The following ADCY7 variants were observed in gnomAD, a reference collection of about 807,000 sequenced individuals.
ADCY7 encodes the protein adenylate cyclase 7.
ADCY7 carries 72 observed loss-of-function variants against 120.6 expected under a neutral mutation model. The ratio of observed to expected loss-of-function variants is 0.60; its 90% CI spans 0.49 to 0.73. ADCY7 has a LOEUF of 0.73. Among genes scored for constraint, ADCY7 ranks in the 30% least tolerant of loss-of-function variants. ADCY7 has a pLI of 0.00. For missense variants in ADCY7, 1,227 were observed against 1,486.0 expected, an observed-to-expected ratio of 0.83 and a Z score of 2.87; for synonymous variants, 661 against 628.0, an observed-to-expected ratio of 1.05 and a Z score of -0.78.
At chr16:50,306,776 A>C (rs1208209796) in intron 14 of ADCY7, among the ~76,000 whole-genome samples, 1 of 152,254 alleles carries the variant, frequency 6.6e-6, no homozygotes, top group Non-Finnish European at 1.5e-5. Flanking sequence ...GAAACAGGCG[A>C]AACTTACCAA....
chr16:50,308,813 G>A (rs755832718), intron 17 of ADCY7, 21 bp downstream of exon 17: 2 of 1,594,642 alleles, frequency 1.3e-6, no homozygotes, highest in Non-Finnish European at 1.7e-6. Flanking sequence ...TGGTGGGGAG[G>A]CAGGCCTCCG....
At chr16:50,247,390 C>T (rs1203165531) in intron 1 of ADCY7, among the ~76,000 whole-genome samples, 1 of 152,072 alleles carries the variant, frequency 6.6e-6, no homozygotes, top group African/African-American at 2.4e-5. Context: ...GAAACAGGGC[C>T]TTGCTCTGTC....
Position 50,304,357 on chromosome 16 carries a change from C to A in ADCY7, c.1369-3C>A. 6.6e-7 allele frequency: 1 copy of A among 1,509,042 alleles called. No individual in the cohort carries two copies. Among genetic ancestry groups the A allele is most frequent in the Non-Finnish European group, 8.9e-7 (1 of 1,126,396 alleles). 93.5% of individuals were successfully genotyped at this position (1,509,042 alleles called of 1,614,324 possible). A position where few individuals can be genotyped will look rare whatever the true frequency, so the allele number is the denominator to read the frequency against. ...ACAGGCCCATGTCCATGTCTGCCCG[C>A]AGAGCCAGCAGCCACCCCCGCCCAG... On this transcript the variant is annotated splice_polypyrimidine_tract_variant and splice_region_variant and intron_variant, in intron 10 of 25. Coordinates refer to ENST00000673801, the MANE Select transcript of ADCY7 (RefSeq NM_001114.5).
chr16:50,313,253 C>T (rs1019689488), intron 22 of ADCY7: 2 of 479,030 alleles, frequency 4.2e-6, no homozygotes, highest in South Asian at 2.3e-5. Flanking sequence ...CCTGTCTCTA[C>T]TGAAAATACA....
At chr16:50,245,894 C>T (rs555184224), upstream of ADCY7, among the ~76,000 whole-genome samples, 5 of 150,802 alleles carry the variant, frequency 3.3e-5, no homozygotes, top group East Asian at 7.9e-4. Context: ...CCTGCGGCGC[C>T]CCGAGCTTGC....
intron 7 of ADCY7, among the ~76,000 whole-genome samples, chr16:50,296,109 A>G (rs2035333296): frequency 6.6e-6 from 1 of 152,060 alleles, no homozygotes; most frequent in Non-Finnish European, 1.5e-5. Context: ...GTGAAGTGCA[A>G]TGGCATAATC....
chr16:50,291,992 C>G (rs1272983208), intron 4 of ADCY7, 95 bp downstream of exon 4: 1 of 1,375,224 alleles, frequency 7.3e-7, no homozygotes, highest in Non-Finnish European at 9.7e-7. Flanking sequence ...ACCCGAAGGC[C>G]CCGGAGCCGT....
At chr16:50,260,582 A>G (rs1463792754) in intron 1 of ADCY7, among the ~76,000 whole-genome samples, 1 of 152,204 alleles carries the variant, frequency 6.6e-6, no homozygotes. Flanking sequence ...TAATTTCTGT[A>G]GGTCAGGAGT....
upstream of ADCY7, among the ~76,000 whole-genome samples, chr16:50,264,932 G>A (rs1328296219): frequency 6.7e-6 from 1 of 150,372 alleles, no homozygotes; most frequent in Non-Finnish European, 1.5e-5. Context: ...TGCCTCCCAG[G>A]TTCAAGTGAT....
At chr16:50,276,561 C>T (rs1481075164) in intron 1 of ADCY7, among the ~76,000 whole-genome samples, 1 of 152,192 alleles carries the variant, frequency 6.6e-6, no homozygotes, top group Non-Finnish European at 1.5e-5. Context: ...CACAGAGAGT[C>T]TGTTGGGTCA....
At chr16:50,274,477 T>C (rs1002855911) in intron 1 of ADCY7, among the ~76,000 whole-genome samples, 1 of 152,078 alleles carries the variant, frequency 6.6e-6, no homozygotes, top group Non-Finnish European at 1.5e-5. Flanking sequence ...CTGCTTCCCC[T>C]GCAGAAGGGC....
chr16:50,266,934 G>A (rs2033252897), intron 1 of ADCY7, among the ~76,000 whole-genome samples: 1 of 152,122 alleles, frequency 6.6e-6, no homozygotes. Flanking sequence ...GTGCGGTTGT[G>A]ACCACAATGT....
chr16:50,307,041 T>C lies in ADCY7; in HGVS notation c.1753-9T>C, dbSNP rs750364441. The C allele has an allele frequency of 5.0e-6, 8 of 1,604,940 alleles. No homozygotes were observed. Among genetic ancestry groups the C allele is most frequent in the Non-Finnish European group, 6.8e-6 (8 of 1,179,064 alleles). On this transcript the variant is annotated splice_polypyrimidine_tract_variant and intron_variant, in intron 14 of 25. Coordinates refer to ENST00000673801, the MANE Select transcript of ADCY7 (RefSeq NM_001114.5). ...GGTGGCCACCCCTCACAGTCCCTGC[T>C]GCCCCCAGTACCGCCTGGCACCCAT...
intron 1 of ADCY7, among the ~76,000 whole-genome samples, chr16:50,247,017 C>T (rs1190265361): frequency 1.3e-5 from 2 of 152,242 alleles, no homozygotes; most frequent in Non-Finnish European, 2.9e-5. Flanking sequence ...CTGAAGCCCC[C>T]TCGGGCCTGG....
intron 1 of ADCY7, among the ~76,000 whole-genome samples, chr16:50,273,300 A>G (rs764303947): frequency 7.9e-5 from 12 of 152,196 alleles, no homozygotes; most frequent in Non-Finnish European, 1.5e-4. Flanking sequence ...TGGAGCTGAG[A>G]TTCACGGCCT....
chr16:50,315,522 C>A lies in ADCY7; in HGVS notation c.*17C>A. The A allele has an allele frequency of 6.3e-7, 1 of 1,598,748 alleles. No individual in the cohort carries two copies. The highest frequency in any genetic ancestry group is 8.6e-7 in the Non-Finnish European group (1 of 1,167,184). ...CTGAACTGAGGGCTCCTGCTGGATTCCGAAAAGGCCGGGAAGCCAGTCTCC... is the reference window on the plus strand; with the variant it reads ...CTGAACTGAGGGCTCCTGCTGGATTACGAAAAGGCCGGGAAGCCAGTCTCC... On this transcript the variant is annotated 3_prime_UTR_variant, in exon 26 of 26. Transcript: ENST00000673801.
Position 50,315,281 on chromosome 16 carries a change from T to TA in ADCY7, c.3097-78_3097-77insA, listed in dbSNP as rs2036745924. ...CTCCAGGGAAGGCAGACTGCATGCC[T>TA]GGGCAGTCTCTATCTGTCCCTACCA... is the stretch of plus-strand genomic sequence containing the variant. On this transcript the variant is annotated intron_variant, in intron 25 of 25. Coordinates refer to ENST00000673801, the MANE Select transcript of ADCY7 (RefSeq NM_001114.5). 5.1e-6 allele frequency: 8 copies of TA among 1,567,332 alleles called. No individual in the cohort carries two copies. The South Asian group carries it at 9.5e-5, about 19-fold the overall frequency.
At chr16:50,293,314 C>G in intron 5 of ADCY7, 40 bp from the exon 6 acceptor site, 1 of 1,599,434 alleles carries the variant, frequency 6.3e-7, no homozygotes, top group Non-Finnish European at 8.5e-7. Context: ...CCGCCGGTCG[C>G]TTTGCTGGTC....
chr16:50,303,775 C>T (rs2035883964), intron 10 of ADCY7, among the ~76,000 whole-genome samples: 1 of 151,816 alleles, frequency 6.6e-6, no homozygotes. Context: ...GTGGAACTCC[C>T]TGGATCGCTG....
Sources: gnomAD v4.1 joint callset for allele counts (sites outside exome capture counted in the v4.1 genomes callset) on GRCh38, gnomAD v4.1.1 for gene constraint, MANE v1.5 for transcripts, NCBI Gene and HGNC (gene_info 2026-07-23, HGNC 2026-07-21) for gene names.